The following PRELID2 variants were observed in gnomAD, a reference collection of about 807,000 sequenced individuals.
The protein encoded by PRELID2 is PRELI domain-containing protein 2.
Under a neutral mutation model 28.4 loss-of-function variants are expected in PRELID2, and 25 were observed. The observed-to-expected ratio is 0.88, with a 90% CI of 0.64 to 1.23. The LOEUF is 1.23. PRELID2 is among the 50% of genes most tolerant of loss of function. PRELID2 has a pLI of 0.00. For synonymous variants in PRELID2, 76 were observed against 71.6 expected (o/e 1.06, Z -0.31); for missense variants, 201 against 214.4 (o/e 0.94, Z 0.39).
the PRELID2 span, chr5:145,440,805 T>C: frequency 3.6e-4 from 55 of 152,214 alleles, 1 homozygote; most frequent in Middle Eastern, 3.4e-3. Flanking sequence ...TTTTATTTAT[T>C]TGTTTCAGAA....
At chr5:145,705,228 T>C (rs1394927584) in intron 1 of PRELID2, among the ~76,000 whole-genome samples, 1 of 151,952 alleles carries the variant, frequency 6.6e-6, no homozygotes, top group Non-Finnish European at 1.5e-5. Flanking sequence ...TCTTGCTCTG[T>C]CACCCAGGCT....
intron 1 of PRELID2, among the ~76,000 whole-genome samples, chr5:145,650,581 A>G (rs1283796387): frequency 2.4e-5 from 3 of 127,280 alleles, no homozygotes; most frequent in African/African-American, 8.7e-5. Context: ...TATATAGACT[A>G]AAATATTTTT....
intron 1 of PRELID2, among the ~76,000 whole-genome samples, chr5:145,680,032 G>T (rs1041100437): frequency 6.6e-6 from 1 of 151,930 alleles, no homozygotes; most frequent in Non-Finnish European, 1.5e-5. Flanking sequence ...TTTAGCAAAA[G>T]GGGACATGGA....
intron 1 of PRELID2, among the ~76,000 whole-genome samples, chr5:145,585,382 A>G (rs1177783828): frequency 1.3e-5 from 2 of 152,192 alleles, no homozygotes; most frequent in Admixed American, 1.3e-4. Flanking sequence ...GCAAACCATC[A>G]TGGCACATGT....
intron 4 of PRELID2, among the ~76,000 whole-genome samples, chr5:145,808,126 G>A (rs1753652891): frequency 6.6e-6 from 1 of 152,158 alleles, no homozygotes; most frequent in African/African-American, 2.4e-5. Context: ...TATGAGCAGA[G>A]GGAGTCATGT....
At chr5:145,513,350 A>G (rs1300943046) in intron 1 of PRELID2, among the ~76,000 whole-genome samples, 1 of 151,902 alleles carries the variant, frequency 6.6e-6, no homozygotes, top group Non-Finnish European at 1.5e-5. Context: ...ATACACAAGT[A>G]TCAATAGCCG....
intron 1 of PRELID2, among the ~76,000 whole-genome samples, chr5:145,655,481 G>A (rs1380821812): frequency 1.3e-5 from 2 of 152,156 alleles, no homozygotes; most frequent in African/African-American, 2.4e-5. Context: ...GAGGCATCAT[G>A]CTACCTGACT....
chr5:145,744,304 A>G (rs964017768), intron 1 of PRELID2, among the ~76,000 whole-genome samples: 12 of 152,228 alleles, frequency 7.9e-5, no homozygotes, highest in African/African-American at 2.9e-4. Context: ...TGGGCAGACC[A>G]GACGAGGGGT....
intron 1 of PRELID2, among the ~76,000 whole-genome samples, chr5:145,533,935 G>A (rs1752675366): frequency 6.6e-6 from 1 of 151,986 alleles, no homozygotes; most frequent in South Asian, 2.1e-4. Context: ...CCTTGTAGAG[G>A]CTGTCAGCTG....
rs200308330 is a variant in PRELID2 at position 145,817,979 on chromosome 5, T to C, written c.283A>G (p.Ile95Val). The C allele has an allele frequency of 1.9e-6, 3 of 1,611,774 alleles. No individual in the cohort carries two copies. In the African/African-American group the frequency reaches 4.0e-5, roughly 22 times the overall value. Reference sequence around the variant, plus strand: ...GTCCACGTAAGGCAGTGACTCCGTATGGCCATGTTTCTTTCCCGAGGATTG... The same window carrying C: ...GTCCACGTAAGGCAGTGACTCCGTACGGCCATGTTTCTTTCCCGAGGATTG... ...WLNPRERNMA[I>V]RSHCLTWTQY... The change falls in exon 4 of 7, where the codon ATA becomes GTA. Residue 95 changes from isoleucine (I) to valine (V), a missense_variant. Coordinates refer to ENST00000683046, the MANE Select transcript of PRELID2 (RefSeq NM_205846.3).
At chr5:145,422,467 G>C in the PRELID2 span, among the ~76,000 whole-genome samples, 3 of 152,264 alleles carry the variant, frequency 2.0e-5, no homozygotes, top group African/African-American at 7.2e-5. Context: ...TTGTTGAATT[G>C]ATCCCTTTAC....
At chr5:145,317,425 G>T in the PRELID2 span, among the ~76,000 whole-genome samples, 1 of 152,170 alleles carries the variant, frequency 6.6e-6, no homozygotes, top group Non-Finnish European at 1.5e-5. Context: ...GCCCTATATT[G>T]TAGACCAGCT....
intron 1 of PRELID2, among the ~76,000 whole-genome samples, chr5:145,518,814 A>G (rs371113866): frequency 5.3e-5 from 8 of 152,218 alleles, no homozygotes; most frequent in African/African-American, 1.9e-4. Flanking sequence ...GACAGAGGCC[A>G]GGTATGCTGC....
At chr5:145,380,983 A>C in the PRELID2 span, among the ~76,000 whole-genome samples, 1 of 152,210 alleles carries the variant, frequency 6.6e-6, no homozygotes, top group Non-Finnish European at 1.5e-5. Context: ...AACATAATAA[A>C]ATAGGTGTTA....
Position 145,677,152 on chromosome 5 carries a change from G to GTT in PRELID2, n.70+87777_70+87778dup, listed in dbSNP as rs756255750. Among the ~76,000 whole-genome samples, 182 of 124,008 alleles carry GTT rather than the reference G, an allele frequency of 1.5e-3. 1 individual carries two copies. Among genetic ancestry groups the GTT allele is most frequent in the African/African-American group, 2.1e-3 (69 of 32,422 alleles). The allele number at this position is 124,008 out of a possible 152,430, so 81.4% of individuals were successfully genotyped here. On this transcript the variant is annotated intron_variant and non_coding_transcript_variant, in intron 1 of 2. Coordinates refer to the PRELID2 transcript ENST00000510259. ...TTTATGTTTTTGTTTTTTGGTTTTG[G>GTT]TTTTTTTTTTTTTTTTTTTTGAGAC... is the stretch of plus-strand genomic sequence containing the variant.
At chr5:145,665,598 G>T (rs1754572820) in intron 1 of PRELID2, among the ~76,000 whole-genome samples, 2 of 152,020 alleles carry the variant, frequency 1.3e-5, no homozygotes, top group African/African-American at 4.8e-5. Context: ...CCCTAGCATG[G>T]TATATAATGC....
At chr5:145,618,891 G>A (rs112654641) in intron 1 of PRELID2, among the ~76,000 whole-genome samples, 157 of 152,242 alleles carry the variant, frequency 1.0e-3, no homozygotes, top group African/African-American at 3.6e-3. Flanking sequence ...AGGTTCCCAG[G>A]TCAATGGAGT....
chr5:145,534,227 C>A (rs1389815548), intron 1 of PRELID2, among the ~76,000 whole-genome samples: 3 of 152,036 alleles, frequency 2.0e-5, no homozygotes, highest in East Asian at 1.9e-4. Context: ...AAGACAGGAA[C>A]AGGCAAGCAT....
At chr5:145,755,842 A>G (rs1757242753), downstream of PRELID2, among the ~76,000 whole-genome samples, 2 of 152,342 alleles carry the variant, frequency 1.3e-5, no homozygotes, top group Non-Finnish European at 1.5e-5. Flanking sequence ...AGGAAGGATC[A>G]TCACCATACC....
Sources: allele counts gnomAD v4.1 joint callset (sites outside exome capture counted in the v4.1 genomes callset), GRCh38; gene constraint gnomAD v4.1.1; transcripts MANE v1.5; gene names NCBI Gene and HGNC (gene_info 2026-07-23, HGNC 2026-07-21).